The following CERS6 variants were observed in gnomAD, a reference collection of about 807,000 sequenced individuals.
The protein encoded by CERS6 is LAG1 homolog, ceramide synthase 6.
In CERS6, 26 loss-of-function variants were observed where a neutral mutation model predicts 56.8. That is an observed-to-expected ratio of 0.46 (90% CI 0.34 to 0.63). CERS6 has a LOEUF of 0.63. Ranked by LOEUF, CERS6 falls within the 30% of genes least tolerant of loss-of-function variation. The pLI, the probability that CERS6 is intolerant of heterozygous loss-of-function variation, is 0.01. For synonymous variants in CERS6, 164 were observed against 173.3 expected (o/e 0.95, Z 0.42); for missense variants, 415 against 467.5 (o/e 0.89, Z 1.04).
At chr2:168,747,161 C>G (rs1311938370) in intron 8 of CERS6, among the ~76,000 whole-genome samples, 2 of 151,852 alleles carry the variant, frequency 1.3e-5, no homozygotes, top group African/African-American at 4.8e-5. Context: ...TGGTGCATGC[C>G]TATGGTCCCA....
chr2:168,600,018 C>CTAA (rs1683893966), intron 3 of CERS6, among the ~76,000 whole-genome samples: 1 of 152,010 alleles, frequency 6.6e-6, no homozygotes, highest in Non-Finnish European at 1.5e-5. Flanking sequence ...TGATGCTTAC[C>CTAA]TCCTTGGGTT....
At chr2:168,682,416 A>G (rs751808964) in intron 4 of CERS6, among the ~76,000 whole-genome samples, 1 of 152,208 alleles carries the variant, frequency 6.6e-6, no homozygotes, top group South Asian at 2.1e-4. Flanking sequence ...GTGTCTAAAT[A>G]TATATCTACT....
At chr2:168,678,543 T>TC (rs1424067067) in intron 4 of CERS6, among the ~76,000 whole-genome samples, 1 of 152,102 alleles carries the variant, frequency 6.6e-6, no homozygotes, top group Non-Finnish European at 1.5e-5. Context: ...TATGTTTCTT[T>TC]CCCCCCTGAG....
At chr2:168,742,010 T>C (rs1683924462) in intron 8 of CERS6, among the ~76,000 whole-genome samples, 1 of 152,216 alleles carries the variant, frequency 6.6e-6, no homozygotes, top group Non-Finnish European at 1.5e-5. Context: ...GGGGAAAAGA[T>C]TTGAGCTTTG....
At chr2:168,731,975 A>T (rs147589498) in intron 8 of CERS6, among the ~76,000 whole-genome samples, 1 of 152,220 alleles carries the variant, frequency 6.6e-6, no homozygotes, top group East Asian at 1.9e-4. Context: ...TTATACATTA[A>T]GTCTACAATA....
chr2:168,714,834 C>T (rs1484283972), intron 6 of CERS6, among the ~76,000 whole-genome samples, 167 bp from the exon 7 acceptor site: 2 of 152,146 alleles, frequency 1.3e-5, no homozygotes, highest in East Asian at 3.8e-4. Context: ...TCTCTCCCAA[C>T]ACGTGATGGA....
At chr2:168,575,186 A>C (rs887547916) in intron 3 of CERS6, among the ~76,000 whole-genome samples, 3 of 152,226 alleles carry the variant, frequency 2.0e-5, no homozygotes, top group Non-Finnish European at 2.9e-5. Context: ...CTTGAATTTA[A>C]AATGGGGCCA....
chr2:168,695,514 A>G (rs1050263922), intron 6 of CERS6, among the ~76,000 whole-genome samples: 2 of 152,122 alleles, frequency 1.3e-5, no homozygotes, highest in Non-Finnish European at 2.9e-5. Context: ...GTTTCCACCT[A>G]TCCCCTCCAC....
At chr2:168,657,613 A>C (rs1559039415) in intron 4 of CERS6, among the ~76,000 whole-genome samples, 1 of 152,328 alleles carries the variant, frequency 6.6e-6, no homozygotes, top group Non-Finnish European at 1.5e-5. Flanking sequence ...CCGGCGAGAA[A>C]TCAAGTGCAG....
At chr2:168,477,119 T>A (rs1001838605) in intron 1 of CERS6, among the ~76,000 whole-genome samples, 2 of 150,818 alleles carry the variant, frequency 1.3e-5, no homozygotes. Context: ...CTCTTTGTCT[T>A]TTTTTTTGTA....
At chr2:168,723,370 G>A (rs1047162740) in intron 8 of CERS6, among the ~76,000 whole-genome samples, 2 of 152,060 alleles carry the variant, frequency 1.3e-5, no homozygotes, top group East Asian at 1.9e-4. Flanking sequence ...ACCCTGGAAC[G>A]ATATACAGTG....
chr2:168,631,821 T>C (rs1490096492), intron 4 of CERS6, among the ~76,000 whole-genome samples: 1 of 131,858 alleles, frequency 7.6e-6, no homozygotes, highest in Non-Finnish European at 1.5e-5. Context: ...ATTTATTATA[T>C]ATTATATAAT....
chr2:168,678,838 A>T (rs928840810), intron 4 of CERS6, among the ~76,000 whole-genome samples: 1 of 152,222 alleles, frequency 6.6e-6, no homozygotes, highest in Non-Finnish European at 1.5e-5. Flanking sequence ...CTGGGTATGT[A>T]TTCAAAGGGA....
At chr2:168,653,951 C>T (rs951301568) in intron 4 of CERS6, among the ~76,000 whole-genome samples, 3 of 152,164 alleles carry the variant, frequency 2.0e-5, no homozygotes, top group Non-Finnish European at 4.4e-5. Flanking sequence ...TGCTGATTAT[C>T]AGCCATTCTG....
intron 3 of CERS6, among the ~76,000 whole-genome samples, chr2:168,608,162 T>C (rs912589805): frequency 1.3e-5 from 2 of 152,266 alleles, no homozygotes; most frequent in African/African-American, 2.4e-5. Context: ...TATTTGTGGC[T>C]AACTTCTTCC....
At chr2:168,540,215 G>T (rs768728061) in intron 1 of CERS6, among the ~76,000 whole-genome samples, 77 of 152,148 alleles carry the variant, frequency 5.1e-4, no homozygotes, top group Admixed American at 6.5e-4. Context: ...TTAATTATGG[G>T]GGGTGGAGGG....
At chr2:168,747,478 G>A (rs769138901) in intron 8 of CERS6, among the ~76,000 whole-genome samples, 41 of 151,936 alleles carry the variant, frequency 2.7e-4, no homozygotes, top group Non-Finnish European at 5.0e-4. Flanking sequence ...AATCTTTGTT[G>A]GTAACCTTTA....
At chr2:168,755,657 A>G (rs1476963457) in intron 8 of CERS6, among the ~76,000 whole-genome samples, 3 of 152,244 alleles carry the variant, frequency 2.0e-5, no homozygotes. Flanking sequence ...TAGGAAGCCA[A>G]AATGGAAGCT....
chr2:168,530,001 C>T (rs529210811), intron 1 of CERS6, among the ~76,000 whole-genome samples: 99 of 151,960 alleles, frequency 6.5e-4, no homozygotes, highest in African/African-American at 2.2e-3. Flanking sequence ...GCCTGCTTCT[C>T]GCAGCTATGT....
Sources: allele counts gnomAD v4.1 joint callset (sites outside exome capture counted in the v4.1 genomes callset), GRCh38; gene constraint gnomAD v4.1.1; transcripts MANE v1.5; gene names NCBI Gene and HGNC (gene_info 2026-07-23, HGNC 2026-07-21).